Variants in GLDC observed in about 807,000 individuals in gnomAD.
GLDC encodes the protein glycine decarboxylase.
In GLDC, 104 loss-of-function variants were observed where a neutral mutation model predicts 121.3. The ratio of observed to expected loss-of-function variants is 0.86; its 90% CI spans 0.73 to 1.01. The LOEUF is 1.01. GLDC is among the 50% of genes least tolerant of loss of function. GLDC has a pLI of 0.00. For synonymous variants in GLDC, 546 were observed against 480.6 expected (o/e 1.14, Z -1.78); for missense variants, 1,429 against 1,306.6 (o/e 1.09, Z -1.44).
intron 23 of GLDC, 30 bp downstream of exon 23, chr9:6,536,034 A>G: frequency 6.3e-7 from 1 of 1,593,310 alleles, no homozygotes; most frequent in Non-Finnish European, 8.6e-7. Context: ...TTTAAGGAAC[A>G]TTTCAAGCAA....
intron 23 of GLDC, among the ~76,000 whole-genome samples, chr9:6,535,301 A>C (rs971851469): frequency 8.6e-5 from 13 of 151,924 alleles, no homozygotes; most frequent in East Asian, 3.9e-4. Context: ...ATCCTGAAAG[A>C]AGCAGGTGTC....
intron 7 of GLDC, among the ~76,000 whole-genome samples, chr9:6,602,647 C>T (rs1818640103): frequency 6.6e-6 from 1 of 151,898 alleles, no homozygotes; most frequent in Non-Finnish European, 1.5e-5. Flanking sequence ...GCCACTGTGC[C>T]CAGCAGGATT....
At chr9:6,594,972 AT>A in intron 9 of GLDC, 41 bp downstream of exon 9, 1 of 1,211,122 alleles carries the variant, frequency 8.3e-7, no homozygotes, top group Non-Finnish European at 1.2e-6. Flanking sequence ...AAATTTATCA[AT>A]TTTATTATGC....
intron 11 of GLDC, chr9:6,591,776 G>C: frequency 3.6e-6 from 1 of 280,292 alleles, no homozygotes. Context: ...TGGAGACGGG[G>C]TTTCTCCATG....
At chr9:6,563,401 G>C (rs1283809308) in intron 16 of GLDC, among the ~76,000 whole-genome samples, 1 of 152,232 alleles carries the variant, frequency 6.6e-6, no homozygotes, top group African/African-American at 2.4e-5. Flanking sequence ...CCAAGCAGTG[G>C]AGGAGTCGGG....
rs1817224032 is a variant in GLDC, at chr9:6,540,119, T to C, written c.2597A>G (p.Asp866Gly). The C allele has an allele frequency of 6.2e-7, 1 of 1,612,754 alleles. No individual in the cohort carries two copies. ...RGYVGHEFIL[D>G]TRPFKKSANI... is the part of the protein sequence containing the mutation. The stretch of plus-strand genomic sequence containing the variant: ...TGCAGACTTTTTGAAGGGTCTCGTG[T>C]CCAAAATAAATTCATGACCCACATA... Residue 866 changes from aspartate to glycine, a missense_variant, in exon 22 of 25, where the codon GAC (aspartate) becomes GGC (glycine). By Grantham distance (94) the Asp-to-Gly change is moderately conservative (BLOSUM62 -1). Coordinates refer to ENST00000321612, the MANE Select transcript of GLDC (RefSeq NM_000170.3).
intron 22 of GLDC, among the ~76,000 whole-genome samples, chr9:6,537,151 C>A (rs1817145215): frequency 6.6e-6 from 1 of 151,824 alleles, no homozygotes; most frequent in Admixed American, 6.6e-5. Context: ...CCACCTAAGC[C>A]TTCCAAGTAG....
intron 7 of GLDC, among the ~76,000 whole-genome samples, chr9:6,603,011 T>C (rs1313797147): frequency 1.3e-5 from 2 of 152,068 alleles, no homozygotes; most frequent in Non-Finnish European, 1.5e-5. Context: ...GCGGATCACC[T>C]GAGGTCCAGA....
At chr9:6,569,525 A>C (rs1304275022) in intron 15 of GLDC, among the ~76,000 whole-genome samples, 4 of 151,990 alleles carry the variant, frequency 2.6e-5, no homozygotes, top group East Asian at 1.9e-4. Context: ...GGTGGTGGGC[A>C]CCTTTAGTCC....
At chr9:6,627,250 C>CA (rs1819262787) in intron 2 of GLDC, among the ~76,000 whole-genome samples, 1 of 140,818 alleles carries the variant, frequency 7.1e-6, no homozygotes, top group Non-Finnish European at 1.5e-5. Context: ...GAGCCGAGAT[C>CA]ACGCCACTGC....
intron 15 of GLDC, among the ~76,000 whole-genome samples, chr9:6,572,355 C>G (rs546464132): frequency 5.3e-4 from 80 of 152,220 alleles, no homozygotes; most frequent in Non-Finnish European, 9.9e-4. Context: ...CTTAAAAGTA[C>G]GAAGGAGGGT....
chr9:6,569,848 C>T (rs1337200624), intron 15 of GLDC, among the ~76,000 whole-genome samples: 1 of 151,954 alleles, frequency 6.6e-6, no homozygotes, highest in Non-Finnish European at 1.5e-5. Context: ...TGGTGGTGTG[C>T]ATCTGTAATC....
At chr9:6,547,073 G>C (rs1379023840) in intron 21 of GLDC, among the ~76,000 whole-genome samples, 1 of 152,212 alleles carries the variant, frequency 6.6e-6, no homozygotes, top group East Asian at 1.9e-4. Context: ...AAATGTAAGT[G>C]TCATACTTTT....
intron 8 of GLDC, among the ~76,000 whole-genome samples, chr9:6,598,114 G>A (rs967691408): frequency 2.6e-5 from 4 of 152,094 alleles, no homozygotes; most frequent in Admixed American, 2.6e-4. Flanking sequence ...CTGCAGCCTG[G>A]ACCTCCCCAG....
rs950953785 is a variant in GLDC, at chr9:6,558,285, A to G, written c.2052+274T>C. 7 of 598,220 alleles carry G rather than the reference A, an allele frequency of 1.2e-5. No individual in the cohort carries two copies. In the Admixed American group the frequency reaches 2.1e-4, roughly 18 times the overall value. 37.1% of individuals were successfully genotyped at this position (598,220 alleles called of 1,614,324 possible). On this transcript the variant is annotated intron_variant, in intron 17 of 24. Transcript: ENST00000321612. ...AGTGGGGAAGGCGAGAAGGAGAGGG[A>G]AGATTGGGCAGAAAGAGGCAGGCAG...
intron 15 of GLDC, among the ~76,000 whole-genome samples, chr9:6,570,675 G>A (rs1248779056): frequency 3.3e-5 from 5 of 152,006 alleles, no homozygotes; most frequent in African/African-American, 2.4e-5. Flanking sequence ...CCAACATGGC[G>A]AAACTTCGTC....
intron 18 of GLDC, 113 bp downstream of exon 18, chr9:6,556,040 C>A (rs368413924): frequency 3.8e-6 from 3 of 790,210 alleles, no homozygotes; most frequent in Non-Finnish European, 6.3e-6. Context: ...GTGGTCAGGT[C>A]GTGGGTCTGA....
intron 15 of GLDC, among the ~76,000 whole-genome samples, chr9:6,578,808 C>G (rs1447379083): frequency 1.3e-5 from 2 of 152,202 alleles, no homozygotes; most frequent in South Asian, 4.1e-4. Context: ...ACTGCAATTA[C>G]AAGCATGAGC....
chr9:6,594,875 T>C (rs764954362), intron 9 of GLDC, 139 bp downstream of exon 9: 64 of 704,348 alleles, frequency 9.1e-5, no homozygotes, highest in Middle Eastern at 3.8e-4. Context: ...AAAATAATCA[T>C]GGATGTTGAA....
Sources: allele counts gnomAD v4.1 joint callset (sites outside exome capture counted in the v4.1 genomes callset), GRCh38; gene constraint gnomAD v4.1.1; transcripts MANE v1.5; gene names NCBI Gene and HGNC (gene_info 2026-07-23, HGNC 2026-07-21).